PFKL: variants seen among roughly 807,000 people sequenced by gnomAD.
PFKL encodes the protein phosphofructokinase, liver type.
A neutral mutation model predicts 92.1 loss-of-function variants in PFKL; 74 were observed. The observed-to-expected ratio is 0.80, with a 90% CI of 0.67 to 0.97. PFKL has a LOEUF of 0.97. Ranked by LOEUF, PFKL falls within the 50% of genes least tolerant of loss-of-function variation. The probability of loss-of-function intolerance (pLI) is 0.00; values close to 1 mark genes in which losing one functional copy is unlikely to be tolerated. For missense variants in PFKL, 1,028 were observed against 1,116.6 expected (o/e 0.92, Z 1.13); for synonymous variants, 494 against 456.4 (o/e 1.08, Z -1.05).
chr21:44,316,634 CTGTGGGTGAGTGTCCGTGTCTGTG>C (rs1451669584), intron 9 of PFKL, 110 bp downstream of exon 9: 2 of 796,526 alleles, frequency 2.5e-6, no homozygotes. Flanking sequence ...GTCCATGTGG[CTGTGGGTGAGTGTCCGTGTCTGTG>C]TGTGGGGGTG....
At chr21:44,313,361 C>T (rs2047109956) in intron 5 of PFKL, among the ~76,000 whole-genome samples, 1 of 152,258 alleles carries the variant, frequency 6.6e-6, no homozygotes, top group African/African-American at 2.4e-5. Flanking sequence ...TTCTGAGGGG[C>T]AGCTGCTTGC....
intron 2 of PFKL, among the ~76,000 whole-genome samples, chr21:44,310,496 T>C (rs947322050): frequency 2.6e-5 from 4 of 152,144 alleles, no homozygotes; most frequent in Admixed American, 6.5e-5. Flanking sequence ...GGCGGGCAGA[T>C]GGTAGCCTGG....
At chr21:44,320,044 G>A (rs368226478) in intron 11 of PFKL, 40 bp from the exon 12 acceptor site, 23 of 1,582,572 alleles carry the variant, frequency 1.5e-5, no homozygotes, top group Admixed American at 3.3e-5. Context: ...ACGCCGTGGC[G>A]CTGCAGGGCT....
intron 12 of PFKL, 73 bp downstream of exon 12, chr21:44,320,220 GTGGCT>G: frequency 1.4e-6 from 2 of 1,396,500 alleles, no homozygotes; most frequent in Non-Finnish European, 2.0e-6. Flanking sequence ...CGCTGGCCCC[GTGGCT>G]GGGCCTGCCT....
In PFKL at chr21:44,316,971, G is replaced by C. The variant is rs1056412426; in HGVS notation, c.936+447G>C. On this transcript the variant is annotated intron_variant, in intron 9 of 21. Coordinates refer to ENST00000349048, the MANE Select transcript of PFKL (RefSeq NM_002626.6). ...GCCAGGGGCAGGCCCTGGGAGAGGGGCTGGGTGGGCAGAGGGTGGTGCCCA... is the reference window on the plus strand; with the variant it reads ...GCCAGGGGCAGGCCCTGGGAGAGGGCCTGGGTGGGCAGAGGGTGGTGCCCA... 1.1e-4 allele frequency among the ~76,000 whole-genome samples: 16 copies of C among 152,208 alleles called. No homozygotes were observed. In the East Asian group the frequency reaches 2.7e-3, roughly 26 times the overall value.
In PFKL at chr21:44,300,830, T is replaced by G. The variant is rs1322141322; in HGVS notation, c.85+640T>G. ...GGGACTTGGCAGAGCTGGGTGGGGG[T>G]CCGGCCTGAGGGCGTGGTGTCCTCG... On this transcript the variant is annotated intron_variant, in intron 1 of 21. Coordinates refer to ENST00000349048, the MANE Select transcript of PFKL (RefSeq NM_002626.6). Among the ~76,000 whole-genome samples the G allele has an allele frequency of 2.6e-5, 4 of 151,748 alleles. No individual in the cohort carries two copies. In the East Asian group the frequency reaches 7.8e-4, roughly 29 times the overall value.
chr21:44,312,083 G>A lies in PFKL; in HGVS notation c.238-22G>A, dbSNP rs761720400. The A allele has an allele frequency of 4.9e-6, 7 of 1,432,828 alleles. No individual in the cohort carries two copies. The African/African-American group carries it at 6.0e-5, about 12-fold the overall frequency. 88.8% of individuals were successfully genotyped at this position (1,432,828 alleles called of 1,614,324 possible). ...TCTGCCGCCTGCCATCTCTCCTGAA[G>A]TTTCTGGTCTCCTCTGTGCAGGGCG... On this transcript the variant is annotated intron_variant, in intron 3 of 21. Transcript: ENST00000349048.
At chr21:44,323,151 G>A (rs1023391992) in intron 15 of PFKL, 102 bp downstream of exon 15, 19 of 973,276 alleles carry the variant, frequency 2.0e-5, no homozygotes, top group African/African-American at 6.4e-5. Context: ...TGGCTGGGCC[G>A]ATGCAGGGGC....
At chr21:44,318,924 T>C (rs921924876) in intron 10 of PFKL, among the ~76,000 whole-genome samples, 1 of 151,716 alleles carries the variant, frequency 6.6e-6, no homozygotes, top group Non-Finnish European at 1.5e-5. Flanking sequence ...GAGGGGCCAG[T>C]GATCAGAGCA....
At chr21:44,301,243 G>C (rs1278018371) in intron 1 of PFKL, among the ~76,000 whole-genome samples, 1 of 152,154 alleles carries the variant, frequency 6.6e-6, no homozygotes, top group African/African-American at 2.4e-5. Flanking sequence ...TCTGAACCCC[G>C]GCCTGCAGAG....
intron 1 of PFKL, among the ~76,000 whole-genome samples, chr21:44,300,943 G>A (rs1002662710): frequency 1.3e-5 from 2 of 152,216 alleles, no homozygotes; most frequent in African/African-American, 4.8e-5. Context: ...CTGTGGCACA[G>A]GACGCCACCT....
At chr21:44,312,894 G>C in intron 4 of PFKL, 84 bp from the exon 5 acceptor site, 1 of 1,446,188 alleles carries the variant, frequency 6.9e-7, no homozygotes, top group Non-Finnish European at 9.6e-7. Flanking sequence ...GGATGCGGGG[G>C]AAGGGGTGGC....
rs2047116717 is a variant in PFKL at position 44,313,568 on chromosome 21, C to A, written c.594-70C>A. On this transcript the variant is annotated intron_variant, in intron 5 of 21. Coordinates refer to ENST00000349048, the MANE Select transcript of PFKL (RefSeq NM_002626.6). ...CTCCATCCACTGGGTCCCTTGAGCA[C>A]CCCGCAGGGAATCGGGCTGGCAGGG... is the stretch of plus-strand genomic sequence containing the variant. The A allele has an allele frequency of 8.1e-6, 12 of 1,488,160 alleles. No homozygotes were observed. The South Asian group carries it at 1.3e-4, about 16-fold the overall frequency. 92.2% of individuals were successfully genotyped at this position (1,488,160 alleles called of 1,614,324 possible). A position where few individuals can be genotyped will look rare whatever the true frequency, so the allele number is the denominator to read the frequency against.
At chr21:44,310,863 A>AG in intron 2 of PFKL, 143 bp from the exon 3 acceptor site, 3 of 625,812 alleles carry the variant, frequency 4.8e-6, no homozygotes, top group Non-Finnish European at 8.6e-6. Flanking sequence ...CCTGTTACCC[A>AG]GGCCCTGGGA....
intron 15 of PFKL, 116 bp from the exon 16 acceptor site, chr21:44,323,650 A>G: frequency 8.7e-7 from 1 of 1,143,050 alleles, no homozygotes; most frequent in Non-Finnish European, 1.2e-6. Context: ...GGCGTCCAGC[A>G]CGGGGCACAT....
chr21:44,306,150 G>A (rs1484034605), intron 1 of PFKL, among the ~76,000 whole-genome samples: 1 of 68,470 alleles, frequency 1.5e-5, no homozygotes, highest in African/African-American at 6.4e-5. Context: ...GGGAGGTGCC[G>A]GCCTCTTTTC....
At chr21:44,324,058 C>T (rs1013739752) in intron 16 of PFKL, 140 bp downstream of exon 16, 155 of 941,040 alleles carry the variant, frequency 1.6e-4, no homozygotes, top group Middle Eastern at 6.4e-4. Context: ...GGCACAGGCC[C>T]GGGTGAAGGG....
At chr21:44,305,167 G>C in intron 1 of PFKL, 1 of 1,102,620 alleles carries the variant, frequency 9.1e-7, no homozygotes, top group Non-Finnish European at 1.2e-6. Flanking sequence ...CTCCCTCTGG[G>C]ATCTCATTGG....
At chr21:44,320,232 G>A in intron 12 of PFKL, 85 bp downstream of exon 12, 1 of 1,213,058 alleles carries the variant, frequency 8.2e-7, no homozygotes, top group Non-Finnish European at 1.2e-6. Flanking sequence ...GGCTGGGCCT[G>A]CCTGCCCCCA....
Sources: allele counts gnomAD v4.1 joint callset (sites outside exome capture counted in the v4.1 genomes callset), GRCh38; gene constraint gnomAD v4.1.1; transcripts MANE v1.5; gene names NCBI Gene and HGNC (gene_info 2026-07-23, HGNC 2026-07-21).